GALNT14: variants seen among roughly 807,000 people sequenced by gnomAD.
GALNT14 encodes UDP-GalNAc:polypeptide N-acetylgalactosaminyltransferase 14.
GALNT14 carries 60 observed loss-of-function variants against 77.5 expected under a neutral mutation model. The observed-to-expected ratio is 0.77, with a 90% CI of 0.63 to 0.96. GALNT14 has a LOEUF of 0.96. Among genes scored for constraint, GALNT14 ranks in the 40% least tolerant of loss-of-function variants. GALNT14 has a pLI of 0.00. For missense variants in GALNT14, 710 were observed against 731.0 expected (o/e 0.97, Z 0.33); for synonymous variants, 280 against 281.7 (o/e 0.99, Z 0.06).
intron 1 of GALNT14, among the ~76,000 whole-genome samples, chr2:31,071,741 T>A (rs1675384587): frequency 6.6e-6 from 1 of 152,214 alleles, no homozygotes; most frequent in African/African-American, 2.4e-5. Context: ...TTCTGACAGC[T>A]CTCTGTTCCT....
intron 1 of GALNT14, among the ~76,000 whole-genome samples, chr2:31,094,322 T>C (rs896878276): frequency 6.6e-6 from 1 of 152,186 alleles, no homozygotes; most frequent in Non-Finnish European, 1.5e-5. Context: ...CCAAAACCTA[T>C]AAGAACTAAT....
intron 2 of GALNT14, among the ~76,000 whole-genome samples, chr2:30,972,974 A>G (rs1487690887): frequency 6.6e-6 from 1 of 152,198 alleles, no homozygotes; most frequent in Non-Finnish European, 1.5e-5. Flanking sequence ...TCTATTACTA[A>G]ACAAAAAGCT....
chr2:30,917,177 C>G (rs1664734589), intron 13 of GALNT14, among the ~76,000 whole-genome samples: 1 of 150,960 alleles, frequency 6.6e-6, no homozygotes, highest in African/African-American at 2.4e-5. Context: ...GCCCCTGCCT[C>G]TGGTAGGCAA....
chr2:31,094,499 A>G (rs569075110), intron 1 of GALNT14, among the ~76,000 whole-genome samples: 2 of 152,212 alleles, frequency 1.3e-5, no homozygotes, highest in South Asian at 4.1e-4. Flanking sequence ...GTGATCAGAG[A>G]ACCACAGGAA....
At chr2:30,905,865 G>A (rs1376846075), downstream of GALNT14, among the ~76,000 whole-genome samples, 3 of 151,928 alleles carry the variant, frequency 2.0e-5, no homozygotes, top group Admixed American at 6.6e-5. Context: ...CGGATCTCTC[G>A]GCAGAAACCC....
At chr2:31,088,351 G>C (rs1676559624) in intron 1 of GALNT14, among the ~76,000 whole-genome samples, 1 of 152,176 alleles carries the variant, frequency 6.6e-6, no homozygotes, top group Non-Finnish European at 1.5e-5. Context: ...AGTCTCCATG[G>C]GAGGAGTGTA....
intron 13 of GALNT14, among the ~76,000 whole-genome samples, chr2:30,915,358 A>G (rs1664613963): frequency 6.6e-6 from 1 of 152,216 alleles, no homozygotes; most frequent in Non-Finnish European, 1.5e-5. Context: ...ATGTGTGAAC[A>G]GGCACAGCTA....
At chr2:30,957,478 C>A (rs1470520085) in intron 4 of GALNT14, among the ~76,000 whole-genome samples, 1 of 152,144 alleles carries the variant, frequency 6.6e-6, no homozygotes, top group African/African-American at 2.4e-5. Flanking sequence ...GGGCCAGTGT[C>A]TGCCCACCTC....
intron 1 of GALNT14, among the ~76,000 whole-genome samples, chr2:31,083,741 C>T (rs530256439): frequency 8.5e-5 from 13 of 152,290 alleles, no homozygotes; most frequent in South Asian, 8.3e-4. Flanking sequence ...ATGACTGTGA[C>T]GAAGCCATGG....
chr2:31,131,702 G>A (rs1404713891), intron 1 of GALNT14, among the ~76,000 whole-genome samples: 2 of 152,170 alleles, frequency 1.3e-5, no homozygotes, highest in East Asian at 1.9e-4. Context: ...AAATCAGATG[G>A]CATGAAAACC....
At chr2:30,887,553 T>C in the GALNT14 span, among the ~76,000 whole-genome samples, 1 of 152,204 alleles carries the variant, frequency 6.6e-6, no homozygotes, top group Admixed American at 6.5e-5. Context: ...TCCAGTTTTA[T>C]TTCAGGTAAG....
intron 3 of GALNT14, among the ~76,000 whole-genome samples, chr2:30,962,656 G>A (rs141005680): frequency 4.6e-5 from 7 of 152,146 alleles, no homozygotes; most frequent in East Asian, 1.9e-4. Context: ...CTGTGTGCCC[G>A]ATTGAGCCTC....
chr2:31,138,082 C>T lies in GALNT14; in HGVS notation c.5G>A (p.Arg2Gln), dbSNP rs1002582670. The change falls in exon 1 of 15, where the codon CGG (arginine) becomes CAG (glutamine). Residue 2 changes from arginine to glutamine, a missense_variant. Coordinates refer to ENST00000349752, the MANE Select transcript of GALNT14 (RefSeq NM_024572.4). Reference sequence around the variant, plus strand: ...CAGAACCAGCCGACGAGTCAGGCGCCGCATGGTCCCCTTTGCCGCTTCCTC... The same window carrying T: ...CAGAACCAGCCGACGAGTCAGGCGCTGCATGGTCCCCTTTGCCGCTTCCTC... M[R>Q]RLTRRLVLPV... 2 of 1,613,572 alleles carry T rather than the reference C, an allele frequency of 1.2e-6. No individual in the cohort carries two copies. The highest frequency in any genetic ancestry group is 2.2e-5 in the South Asian group (2 of 91,092).
In GALNT14 at chr2:31,044,760, TAC is replaced by T. The variant is rs1673327433; in HGVS notation, c.130-51755_130-51754del. Among the ~76,000 whole-genome samples the T allele has an allele frequency of 1.8e-4, 9 of 50,814 alleles. No individual in the cohort carries two copies. In the South Asian group the frequency reaches 6.4e-3, roughly 36 times the overall value. The allele number at this position is 50,814 out of a possible 152,430, so 33.3% of individuals were successfully genotyped here. On this transcript the variant is annotated intron_variant, in intron 1 of 14. Coordinates refer to ENST00000349752, the MANE Select transcript of GALNT14 (RefSeq NM_024572.4). ...TGGCGAAATTCCATCTCTACAAAAA[TAC>T]AAAAATACAAAAATTAGTGGTGCAC...
In GALNT14 at chr2:31,015,297, G is replaced by GA. The variant is rs57122032; in HGVS notation, c.130-22291dup. ...ACAAGAGCTAACATCCATCTCAAAG[G>GA]AAAAAAAAAAAAAAAAAAAGAGATG... On this transcript the variant is annotated intron_variant, in intron 1 of 14. Transcript: ENST00000349752. 3.1e-3 allele frequency among the ~76,000 whole-genome samples: 381 copies of GA among 120,978 alleles called. 1 individual carries two copies. Among genetic ancestry groups the GA allele is most frequent in the Non-Finnish European group, 4.6e-3 (260 of 57,084 alleles). The allele number at this position is 120,978 out of a possible 152,430, so 79.4% of individuals were successfully genotyped here. A position where few individuals can be genotyped will look rare whatever the true frequency, so the allele number is the denominator to read the frequency against.
At chr2:30,947,068 C>T (rs1452642349) in intron 6 of GALNT14, among the ~76,000 whole-genome samples, 3 of 152,204 alleles carry the variant, frequency 2.0e-5, no homozygotes, top group African/African-American at 4.8e-5. Flanking sequence ...CAGACCAAAT[C>T]CTGCTGGTTC....
At chr2:30,950,039 T>A (rs751918185) in intron 6 of GALNT14, among the ~76,000 whole-genome samples, 8 of 152,210 alleles carry the variant, frequency 5.3e-5, no homozygotes, top group Admixed American at 1.3e-4. Flanking sequence ...CTCTGGGGAC[T>A]CGGTTTTTCA....
intron 1 of GALNT14, among the ~76,000 whole-genome samples, chr2:31,085,148 G>A (rs552364170): frequency 6.6e-6 from 1 of 152,288 alleles, no homozygotes; most frequent in Non-Finnish European, 1.5e-5. Flanking sequence ...CCAAATGAAA[G>A]CTATCTGACT....
At chr2:30,894,492 G>T in the GALNT14 span, among the ~76,000 whole-genome samples, 1 of 152,134 alleles carries the variant, frequency 6.6e-6, no homozygotes, top group Non-Finnish European at 1.5e-5. Context: ...AGGCAATATA[G>T]TTGGGCTGTT....
Sources: allele counts gnomAD v4.1 joint callset (sites outside exome capture counted in the v4.1 genomes callset), GRCh38; gene constraint gnomAD v4.1.1; transcripts MANE v1.5; gene names NCBI Gene and HGNC (gene_info 2026-07-23, HGNC 2026-07-21).